The following SLC25A12 variants were observed in gnomAD, a reference collection of about 807,000 sequenced individuals.
The protein encoded by SLC25A12 is electrogenic aspartate/glutamate antiporter SLC25A12, mitochondrial.
SLC25A12 carries 32 observed loss-of-function variants against 83.3 expected under a neutral mutation model. The observed-to-expected ratio is 0.38, with a 90% confidence interval of 0.29 to 0.52. The LOEUF (loss-of-function observed/expected upper bound fraction) is 0.52. Ranked by LOEUF, SLC25A12 falls within the 20% of genes least tolerant of loss-of-function variation. SLC25A12 has a pLI of 0.84. For synonymous variants in SLC25A12, 267 were observed against 291.1 expected (o/e 0.92, Z 0.84); for missense variants, 611 against 835.6 (o/e 0.73, Z 3.31).
intron 3 of SLC25A12, among the ~76,000 whole-genome samples, chr2:171,866,599 ACCTC>A: frequency 1.3e-4 from 4 of 30,450 alleles, no homozygotes; most frequent in East Asian, 1.1e-3. Context: ...TGACCCCCCC[ACCTC>A]CCTCCCGGAC....
intron 4 of SLC25A12, among the ~76,000 whole-genome samples, chr2:171,851,440 T>C (rs1437028975): frequency 6.6e-6 from 1 of 150,710 alleles, no homozygotes; most frequent in African/African-American, 2.4e-5. Flanking sequence ...CCTCCTGCCT[T>C]GGCCTCCCAA....
At chr2:171,840,622 A>T (rs1049596284) in intron 5 of SLC25A12, among the ~76,000 whole-genome samples, 1 of 152,124 alleles carries the variant, frequency 6.6e-6, no homozygotes, top group Non-Finnish European at 1.5e-5. Flanking sequence ...AATTAGAAAT[A>T]CAGCAGAAAT....
At chr2:171,859,734 A>G (rs1401128511) in intron 3 of SLC25A12, among the ~76,000 whole-genome samples, 1 of 152,024 alleles carries the variant, frequency 6.6e-6, no homozygotes, top group Non-Finnish European at 1.5e-5. Flanking sequence ...TCAGTATGGA[A>G]TGATAAAAAC....
At chr2:171,839,812 G>A (rs993013882) in intron 5 of SLC25A12, among the ~76,000 whole-genome samples, 9 of 152,162 alleles carry the variant, frequency 5.9e-5, no homozygotes, top group Non-Finnish European at 8.8e-5. Context: ...AGCTGCATTG[G>A]TACCTCTGGA....
In SLC25A12 at chr2:171,822,693, C is replaced by T. The variant is rs541617317; in HGVS notation, c.930+4105G>A. Among the ~76,000 whole-genome samples the T allele has an allele frequency of 2.5e-3, 374 of 152,222 alleles. 2 individuals are homozygous for T. Among genetic ancestry groups the T allele is most frequent in the Non-Finnish European group, 4.5e-3 (303 of 68,008 alleles). The stretch of plus-strand genomic sequence containing the variant: ...CAAGCCACTGTGCCTGGCATACTGT[C>T]CCTATTTAATAAATGAGGAAACAGA... On this transcript the variant is annotated intron_variant, in intron 9 of 17. Transcript: ENST00000422440.
chr2:171,850,337 G>C (rs776166685), intron 4 of SLC25A12, among the ~76,000 whole-genome samples: 986 of 56,182 alleles, frequency 0.018, 15 homozygotes, highest in Middle Eastern at 0.03. Context: ...GCTGGTCTTT[G>C]TTTTTTTTTT....
intron 13 of SLC25A12, among the ~76,000 whole-genome samples, chr2:171,799,960 ATC>A (rs1683675867): frequency 6.6e-6 from 1 of 152,228 alleles, no homozygotes; most frequent in South Asian, 2.1e-4. Flanking sequence ...TTTATCACTA[ATC>A]TCTGATTCGA....
At chr2:171,883,044 T>G (rs1289652050) in intron 2 of SLC25A12, among the ~76,000 whole-genome samples, 2 of 152,158 alleles carry the variant, frequency 1.3e-5, no homozygotes, top group African/African-American at 4.8e-5. Context: ...GTCAATAACT[T>G]CAGATGGATG....
At chr2:171,791,099 C>T (rs972199479) in intron 15 of SLC25A12, among the ~76,000 whole-genome samples, 1 of 151,956 alleles carries the variant, frequency 6.6e-6, no homozygotes, top group Non-Finnish European at 1.5e-5. Context: ...TACAGCTAAG[C>T]AACTGATTTG....
At chr2:171,809,445 C>T (rs1683905910) in intron 13 of SLC25A12, 161 bp downstream of exon 13, 2 of 690,268 alleles carry the variant, frequency 2.9e-6, no homozygotes, top group South Asian at 3.4e-5. Flanking sequence ...AACCCGTTAG[C>T]TTTTACAATA....
At chr2:171,841,400 G>A (rs1558927405) in intron 5 of SLC25A12, among the ~76,000 whole-genome samples, 1 of 150,874 alleles carries the variant, frequency 6.6e-6, no homozygotes, top group Admixed American at 6.6e-5. Context: ...TTGAGACAGG[G>A]CTCACTCGGT....
intron 13 of SLC25A12, among the ~76,000 whole-genome samples, chr2:171,806,603 A>G (rs1683837020): frequency 6.6e-6 from 1 of 152,184 alleles, no homozygotes; most frequent in East Asian, 1.9e-4. Context: ...AAAAGGGAAT[A>G]TTGTCATTTC....
At chr2:171,820,727 C>CA (rs375978724) in intron 9 of SLC25A12, among the ~76,000 whole-genome samples, 9,889 of 109,490 alleles carry the variant, frequency 0.09, 497 homozygotes, top group Admixed American at 0.19. Flanking sequence ...GACTCCGTCT[C>CA]AAAAAAAAAA....
chr2:171,803,563 T>C (rs1285414662), intron 13 of SLC25A12, among the ~76,000 whole-genome samples: 1 of 152,180 alleles, frequency 6.6e-6, no homozygotes, highest in East Asian at 1.9e-4. Context: ...TAGGCCACAA[T>C]AAGGTATCAC....
chr2:171,866,471 C>A (rs1398853731), intron 3 of SLC25A12, among the ~76,000 whole-genome samples: 1 of 142,052 alleles, frequency 7.0e-6, no homozygotes, highest in African/African-American at 2.6e-5. Context: ...GCTGACCCCC[C>A]ACCTCCCTCC....
chr2:171,822,001 T>G (rs1300184551), intron 9 of SLC25A12, among the ~76,000 whole-genome samples: 1 of 152,210 alleles, frequency 6.6e-6, no homozygotes, highest in Non-Finnish European at 1.5e-5. Context: ...GGGTAGTGAT[T>G]TTTTTTCCTT....
intron 13 of SLC25A12, among the ~76,000 whole-genome samples, chr2:171,804,746 A>C (rs1221591410): frequency 6.6e-6 from 1 of 152,194 alleles, no homozygotes; most frequent in Non-Finnish European, 1.5e-5. Flanking sequence ...TGTCTCTATG[A>C]AAAACTTAAA....
At chr2:171,820,008 G>A (rs1199305336) in intron 9 of SLC25A12, among the ~76,000 whole-genome samples, 5 of 152,150 alleles carry the variant, frequency 3.3e-5, no homozygotes, top group Non-Finnish European at 7.3e-5. Context: ...TTATAAGTGG[G>A]AGCTAAGTGA....
chr2:171,810,948 C>T (rs1346758299), intron 11 of SLC25A12, among the ~76,000 whole-genome samples: 1 of 152,140 alleles, frequency 6.6e-6, no homozygotes, highest in Non-Finnish European at 1.5e-5. Context: ...AAAGAATCCC[C>T]TCAAAACAAA....
Sources: allele counts gnomAD v4.1 joint callset (sites outside exome capture counted in the v4.1 genomes callset), GRCh38; gene constraint gnomAD v4.1.1; transcripts MANE v1.5; gene names NCBI Gene and HGNC (gene_info 2026-07-23, HGNC 2026-07-21).